Variants in ADAMTS20 observed in about 807,000 individuals in gnomAD.
ADAMTS20 encodes ADAM metallopeptidase with thrombospondin type 1 motif 20.
Under a neutral mutation model 260.1 loss-of-function variants are expected in ADAMTS20, and 225 were observed. The observed-to-expected ratio is 0.87, with a 90% CI of 0.78 to 0.97. ADAMTS20 has a LOEUF of 0.97. Ranked by LOEUF, ADAMTS20 falls within the 50% of genes least tolerant of loss-of-function variation. ADAMTS20 has a pLI of 0.00. For synonymous variants in ADAMTS20, 802 were observed against 769.5 expected, an observed-to-expected ratio of 1.04 and a Z score of -0.70; for missense variants, 2,400 against 2,337.7, an observed-to-expected ratio of 1.03 and a Z score of -0.55.
chr12:43,425,599 A>G lies in ADAMTS20; in HGVS notation c.4199T>C (p.Ile1400Thr), dbSNP rs749399910. The G allele has an allele frequency of 1.8e-5, 29 of 1,611,524 alleles. No individual in the cohort carries two copies. The African/African-American group carries it at 1.9e-4, about 10-fold the overall frequency. ...GQILEDHNCE[I>T]VNKPPSVIQC... ...TATTACGCTAGGTGGCTTGTTTACA[A>G]TTTCACAGTTGTGATCTTCTAATAT... is the stretch of plus-strand genomic sequence containing the variant. Residue 1400 changes from isoleucine (I) to threonine (T), a missense_variant, in exon 28 of 39, where the codon ATT becomes ACT. By Grantham distance (89) the Ile-to-Thr change is moderately conservative. Transcript: ENST00000389420.
intron 29 of ADAMTS20, among the ~76,000 whole-genome samples, chr12:43,384,949 T>G (rs1940439018): frequency 6.6e-6 from 1 of 152,198 alleles, no homozygotes; most frequent in Non-Finnish European, 1.5e-5. Context: ...GTAGAATGTT[T>G]TATAATCCTA....
intron 11 of ADAMTS20, among the ~76,000 whole-genome samples, chr12:43,455,326 T>C (rs1028368891): frequency 1.1e-4 from 16 of 152,208 alleles, no homozygotes; most frequent in African/African-American, 3.6e-4. Context: ...AGAAATTCAT[T>C]TCCCACAGGT....
chr12:43,475,936 A>G (rs1024540432), intron 7 of ADAMTS20, among the ~76,000 whole-genome samples: 5 of 131,558 alleles, frequency 3.8e-5, no homozygotes, highest in African/African-American at 1.5e-4. Context: ...AGGCATGGGC[A>G]AGGACTTCAT....
chr12:43,543,671 C>T (rs996040773), intron 2 of ADAMTS20, among the ~76,000 whole-genome samples: 11 of 152,204 alleles, frequency 7.2e-5, no homozygotes, highest in Admixed American at 5.9e-4. Context: ...ATGTTTGATG[C>T]GTGATCTGTT....
chr12:43,433,565 A>G (rs1208094193), intron 19 of ADAMTS20, among the ~76,000 whole-genome samples: 4 of 152,168 alleles, frequency 2.6e-5, no homozygotes, highest in Non-Finnish European at 5.9e-5. Flanking sequence ...TCATCAAGTG[A>G]AAGAGGTTCT....
At chr12:43,421,280 T>TAAAAAAAA (rs759627288) in intron 28 of ADAMTS20, among the ~76,000 whole-genome samples, 1 of 26,986 alleles carries the variant, frequency 3.7e-5, no homozygotes. Context: ...AGCTTTCATT[T>TAAAAAAAA]ACAAAAAAAA....
chr12:43,531,463 TA>T, intron 3 of ADAMTS20, among the ~76,000 whole-genome samples: 1 of 152,172 alleles, frequency 6.6e-6, no homozygotes. Context: ...CAAAAAAAGT[TA>T]TCTACAGACA....
intron 18 of ADAMTS20, among the ~76,000 whole-genome samples, chr12:43,437,947 T>G (rs1325368676): frequency 6.6e-6 from 1 of 152,098 alleles, no homozygotes; most frequent in Non-Finnish European, 1.5e-5. Flanking sequence ...ATAATATGCT[T>G]GACAATATTA....
intron 4 of ADAMTS20, among the ~76,000 whole-genome samples, chr12:43,498,885 C>G (rs1370478185): frequency 6.6e-6 from 1 of 152,092 alleles, no homozygotes; most frequent in East Asian, 1.9e-4. Context: ...CTTAAGTTCC[C>G]TTTCACCTTT....
intron 37 of ADAMTS20, among the ~76,000 whole-genome samples, chr12:43,368,222 C>T (rs1940029752): frequency 1.3e-5 from 2 of 151,942 alleles, no homozygotes; most frequent in Admixed American, 6.6e-5. Context: ...ATCCTTCAGT[C>T]TTGCTATTTT....
In ADAMTS20 at chr12:43,360,186, C is replaced by T. The variant is rs528945024; in HGVS notation, c.5539-3598G>A. 7.2e-5 allele frequency among the ~76,000 whole-genome samples: 11 copies of T among 152,308 alleles called. No individual in the cohort carries two copies. In the East Asian group the frequency reaches 7.7e-4, roughly 11 times the overall value. On this transcript the variant is annotated intron_variant, in intron 37 of 38. Coordinates refer to ENST00000389420, the MANE Select transcript of ADAMTS20 (RefSeq NM_025003.5). ...ATCACCGGCCGGGCACGGTGGCTCA[C>T]GCCTGTAATCCCTGCACTTTGGGAG...
At chr12:43,464,459 C>T in intron 10 of ADAMTS20, 132 bp downstream of exon 10, 2 of 1,181,882 alleles carry the variant, frequency 1.7e-6, no homozygotes, top group Non-Finnish European at 2.3e-6. Flanking sequence ...TTCTTAACCT[C>T]TTTTTGATAA....
chr12:43,411,413 G>A (rs1941029475), intron 28 of ADAMTS20, among the ~76,000 whole-genome samples: 1 of 152,098 alleles, frequency 6.6e-6, no homozygotes, highest in African/African-American at 2.4e-5. Flanking sequence ...TGTTGCCCAG[G>A]CTGGAGTTCA....
intron 7 of ADAMTS20, among the ~76,000 whole-genome samples, chr12:43,489,440 A>T (rs1942570509): frequency 6.6e-6 from 1 of 151,942 alleles, no homozygotes; most frequent in Non-Finnish European, 1.5e-5. Flanking sequence ...AATATGGGCA[A>T]TGTTTCTTTC....
Position 43,551,670 on chromosome 12 carries a change from C to A in ADAMTS20, c.91+161G>T, listed in dbSNP as rs542987138. On this transcript the variant is annotated intron_variant, in intron 1 of 38. Transcript: ENST00000389420. The surrounding 1 kb of genome is among the most constrained non-coding windows in gnomAD (Gnocchi z 4.6). The stretch of plus-strand genomic sequence containing the variant: ...GCGCGCGCGATTCCTCGAAACCCGG[C>A]GCAGTCGCGACCTCTCCGGCTGACT... Among the ~76,000 whole-genome samples, 27 of 152,318 alleles carry A rather than the reference C, an allele frequency of 1.8e-4. 2 individuals are homozygous for A. In the South Asian group the frequency reaches 4.6e-3, roughly 26 times the overall value.
intron 3 of ADAMTS20, among the ~76,000 whole-genome samples, chr12:43,517,600 T>G (rs536315132): frequency 6.6e-6 from 1 of 152,188 alleles, no homozygotes. Flanking sequence ...ATTATAAAGA[T>G]GTGATTTCAC....
intron 7 of ADAMTS20, among the ~76,000 whole-genome samples, chr12:43,480,690 G>A (rs991499373): frequency 4.6e-5 from 7 of 152,142 alleles, no homozygotes; most frequent in Non-Finnish European, 8.8e-5. Flanking sequence ...TACGCTCAGT[G>A]AAATAAGCCA....
At chr12:43,468,507 A>G in intron 8 of ADAMTS20, 93 bp downstream of exon 8, 1 of 794,870 alleles carries the variant, frequency 1.3e-6, no homozygotes. Flanking sequence ...TGAAGAAACA[A>G]AGGTACTAAT....
chr12:43,494,836 T>C (rs1165327743), intron 4 of ADAMTS20, among the ~76,000 whole-genome samples: 2 of 152,204 alleles, frequency 1.3e-5, no homozygotes, highest in Non-Finnish European at 2.9e-5. Flanking sequence ...ACTTTGATCC[T>C]GTGAGTTTAA....
Sources: allele counts gnomAD v4.1 joint callset (sites outside exome capture counted in the v4.1 genomes callset), GRCh38; gene constraint gnomAD v4.1.1; non-coding constraint Gnocchi (gnomAD v3.1); transcripts MANE v1.5; gene names NCBI Gene and HGNC (gene_info 2026-07-23, HGNC 2026-07-21).